The following ELAVL4 variants were observed in gnomAD, a reference collection of about 807,000 sequenced individuals.
ELAVL4 encodes ELAV-like protein 4.
Under a neutral mutation model 35.6 loss-of-function variants are expected in ELAVL4, and 1 was observed. The ratio of observed to expected loss-of-function variants is 0.03; its 90% CI spans 0.01 to 0.13. The LOEUF (loss-of-function observed/expected upper bound fraction) is 0.13. Among genes scored for constraint, ELAVL4 ranks in the 10% least tolerant of loss-of-function variants. ELAVL4 has a pLI of 1.00. For synonymous variants in ELAVL4, 156 were observed against 171.0 expected, an observed-to-expected ratio of 0.91 and a Z score of 0.69; for missense variants, 267 against 464.9, an observed-to-expected ratio of 0.57 and a Z score of 3.91.
upstream of ELAVL4, chr1:50,106,395 T>C (rs1185157721): frequency 1.9e-6 from 3 of 1,611,394 alleles, no homozygotes; most frequent in Non-Finnish European, 2.5e-6. Context: ...TCATTTATGG[T>C]AAGAGGAATA....
At chr1:50,135,221 TG>T (rs1671690817) in intron 1 of ELAVL4, among the ~76,000 whole-genome samples, 1 of 152,122 alleles carries the variant, frequency 6.6e-6, no homozygotes, top group Admixed American at 6.6e-5. Context: ...CTTACCTCAT[TG>T]TTACAAATAT....
At chr1:50,137,548 GA>G (rs1388857697) in intron 1 of ELAVL4, among the ~76,000 whole-genome samples, 1 of 150,310 alleles carries the variant, frequency 6.7e-6, no homozygotes, top group Non-Finnish European at 1.5e-5. Context: ...AGGAAGGAAG[GA>G]AAAAAAGTTT....
chr1:50,168,847 G>T (rs914778919), intron 2 of ELAVL4, among the ~76,000 whole-genome samples: 3 of 151,728 alleles, frequency 2.0e-5, no homozygotes, highest in African/African-American at 7.3e-5. Flanking sequence ...ACTAATTAAA[G>T]AACTCCATCC....
At chr1:50,066,217 C>A (rs865973287) in intron 1 of ELAVL4, among the ~76,000 whole-genome samples, 2 of 152,254 alleles carry the variant, frequency 1.3e-5, no homozygotes, top group Non-Finnish European at 2.9e-5. Context: ...ATTACAAAGA[C>A]CTTTTGCCTG....
intron 1 of ELAVL4, among the ~76,000 whole-genome samples, chr1:50,121,933 G>T (rs967990431): frequency 5.9e-5 from 9 of 152,084 alleles, no homozygotes; most frequent in Non-Finnish European, 4.4e-5. Flanking sequence ...ATGTGACCTA[G>T]AGGTGGGACT....
intron 2 of ELAVL4, among the ~76,000 whole-genome samples, chr1:50,170,662 C>T (rs1329854861): frequency 6.6e-6 from 1 of 152,106 alleles, no homozygotes; most frequent in African/African-American, 2.4e-5. Context: ...TGGGATGGGA[C>T]CTGAAGATCT....
At chr1:50,192,000 T>A (rs1367033861) in intron 3 of ELAVL4, among the ~76,000 whole-genome samples, 1 of 152,230 alleles carries the variant, frequency 6.6e-6, no homozygotes, top group Non-Finnish European at 1.5e-5. Flanking sequence ...ACTTTGTCCC[T>A]TAAAGAACAG....
At chr1:50,073,333 A>C (rs1002214459) in intron 1 of ELAVL4, among the ~76,000 whole-genome samples, 29 of 152,174 alleles carry the variant, frequency 1.9e-4, no homozygotes, top group Admixed American at 1.8e-3. Flanking sequence ...GTGGATGGGG[A>C]CAATGATATT....
chr1:50,172,710 C>T (rs1170330651), intron 2 of ELAVL4, among the ~76,000 whole-genome samples: 1 of 152,184 alleles, frequency 6.6e-6, no homozygotes, highest in Non-Finnish European at 1.5e-5. Context: ...TATGATCTAG[C>T]TCTGTGATCT....
rs548977479 is a variant in ELAVL4, at chr1:50,097,777, G to A, written c.19-47180G>A. Among the ~76,000 whole-genome samples, 39 of 152,240 alleles carry A rather than the reference G, an allele frequency of 2.6e-4. 1 individual carries two copies. In the South Asian group the frequency reaches 4.8e-3, roughly 19 times the overall value. On this transcript the variant is annotated intron_variant, in intron 1 of 6. Coordinates refer to the ELAVL4 transcript ENST00000448907. ...TACTGACACTACGTCAAAGATATAG[G>A]GGGAATCTGTCTTTTAGCTATCCAT...
chr1:50,093,217 C>A (rs1665568287), intron 1 of ELAVL4, among the ~76,000 whole-genome samples: 1 of 152,178 alleles, frequency 6.6e-6, no homozygotes, highest in Non-Finnish European at 1.5e-5. Context: ...AATGTTGTTT[C>A]CCTAAATGTA....
chr1:50,070,444 C>T (rs12127726), intron 1 of ELAVL4, among the ~76,000 whole-genome samples: 102,726 of 152,070 alleles, frequency 0.68, 35,385 homozygotes, highest in African/African-American at 0.76. Flanking sequence ...GACTAAAGAA[C>T]ATGAAAATGC....
intron 1 of ELAVL4, among the ~76,000 whole-genome samples, chr1:50,073,125 C>T (rs1286413202): frequency 6.6e-6 from 1 of 152,182 alleles, no homozygotes; most frequent in East Asian, 1.9e-4. Context: ...TTCTACTCAG[C>T]CTTTGCACAG....
At chr1:50,199,368 C>T (rs1049771059) in intron 6 of ELAVL4, among the ~76,000 whole-genome samples, 2 of 152,154 alleles carry the variant, frequency 1.3e-5, no homozygotes, top group African/African-American at 4.8e-5. Flanking sequence ...TCCTATCTCC[C>T]CCAGTAAAAC....
intron 5 of ELAVL4, 25 bp from the exon 6 acceptor site, chr1:50,197,404 C>G: frequency 6.3e-7 from 1 of 1,582,264 alleles, no homozygotes; most frequent in Non-Finnish European, 8.6e-7. Context: ...AGGCATTAAC[C>G]CAGAGACCCT....
chr1:50,110,459 G>A (rs544675068), intron 1 of ELAVL4, among the ~76,000 whole-genome samples: 2 of 152,292 alleles, frequency 1.3e-5, no homozygotes, highest in African/African-American at 4.8e-5. Context: ...AGGGGAAGTG[G>A]AAAACCTTTC....
At chr1:50,174,786 AT>A (rs1679697705) in intron 2 of ELAVL4, 1 of 152,136 alleles carries the variant, frequency 6.6e-6, no homozygotes, top group Non-Finnish European at 1.5e-5. Context: ...TGCCCATTAT[AT>A]TTATTTTAGA....
At chr1:50,058,098 G>A (rs753568676) in intron 1 of ELAVL4, among the ~76,000 whole-genome samples, 9 of 152,156 alleles carry the variant, frequency 5.9e-5, no homozygotes, top group Non-Finnish European at 1.0e-4. Flanking sequence ...ACCAGTCCAC[G>A]GGGGGAAGTG....
intron 1 of ELAVL4, among the ~76,000 whole-genome samples, chr1:50,085,450 C>A (rs1665197537): frequency 6.6e-6 from 1 of 152,182 alleles, no homozygotes. Context: ...AGAAGAGCGG[C>A]AAGTAGAGGT....
Sources: allele counts gnomAD v4.1 joint callset (sites outside exome capture counted in the v4.1 genomes callset), GRCh38; gene constraint gnomAD v4.1.1; transcripts MANE v1.5; gene names NCBI Gene and HGNC (gene_info 2026-07-23, HGNC 2026-07-21).